Variants in VDAC2 observed in about 807,000 individuals in gnomAD.
VDAC2 encodes voltage dependent anion channel 2.
In VDAC2, 6 loss-of-function variants were observed where a neutral mutation model predicts 36.6. That is an observed-to-expected ratio of 0.16 (90% confidence interval 0.09 to 0.32). VDAC2 has a LOEUF of 0.32. VDAC2 is among the 10% of genes least tolerant of loss of function. The pLI is 1.00. For missense variants in VDAC2, 247 were observed against 346.0 expected (o/e 0.71, Z 2.27); for synonymous variants, 109 against 123.8 (o/e 0.88, Z 0.79).
intron 3 of VDAC2, 123 bp downstream of exon 3, chr10:75,212,421 T>C (rs990504242): frequency 2.3e-5 from 22 of 945,990 alleles, no homozygotes; most frequent in Middle Eastern, 3.0e-4. Context: ...TTAGAGTTAC[T>C]TATTTTTTTG....
chr10:75,221,333 TTTTTTC>T (rs1841806405), intron 7 of VDAC2, among the ~76,000 whole-genome samples: 1 of 152,176 alleles, frequency 6.6e-6, no homozygotes, highest in Admixed American at 6.6e-5. Flanking sequence ...GGTTGGGTTT[TTTTTTC>T]TTTTTCTTTT....
At chr10:75,219,279 A>G (rs768374216) in intron 5 of VDAC2, 25 bp from the exon 6 acceptor site, 33 of 1,574,554 alleles carry the variant, frequency 2.1e-5, no homozygotes, top group Non-Finnish European at 2.4e-5. Context: ...AAAAAAGAAA[A>G]CAAATTACTT....
chr10:75,219,304 A>C lies in VDAC2; in HGVS notation c.304A>C (p.Ile102Leu). The change falls in exon 6 of 10, where the codon ATT (isoleucine) becomes CTT (leucine). Residue 102 changes from isoleucine (I) to leucine (L), a missense_variant and splice_region_variant. Physicochemically the swap from Ile to Leu is conservative, Grantham distance 5. Around this residue, in one of 3 missense-constraint regions of VDAC2, gnomAD observed 159 missense variants for 234.0 expected, o/e 0.68. Transcript: ENST00000332211. ...ACAAATTACTTTTCTTTCAAAATAG[A>C]TTTGTCAAGGTTTGAAACTGACATT... is the stretch of plus-strand genomic sequence containing the variant. Reference protein sequence around the residue: ...LGTEIAIEDQICQGLKLTFDT... With the variant: ...LGTEIAIEDQLCQGLKLTFDT... The C allele has an allele frequency of 1.9e-6, 3 of 1,594,608 alleles. No homozygotes were observed. In the South Asian group the frequency reaches 3.5e-5, roughly 19 times the overall value.
At chr10:75,211,799 C>A in intron 2 of VDAC2, 2 of 1,104,508 alleles carry the variant, frequency 1.8e-6, no homozygotes, top group Non-Finnish European at 2.6e-6. Context: ...GTTTTCCCCT[C>A]AGCGAAGATA....
At chr10:75,220,697 G>A (rs770728202) in intron 6 of VDAC2, 46 bp from the exon 7 acceptor site, 9 of 1,523,396 alleles carry the variant, frequency 5.9e-6, no homozygotes, top group Non-Finnish European at 6.3e-6. Context: ...TTGTGCAGAA[G>A]TGTGTGTAAA....
chr10:75,212,357 C>A, intron 3 of VDAC2, 59 bp downstream of exon 3: 1 of 1,452,300 alleles, frequency 6.9e-7, no homozygotes, highest in Non-Finnish European at 9.5e-7. Context: ...GTTTGGGTTG[C>A]TTAGCGAAAT....
intron 4 of VDAC2, among the ~76,000 whole-genome samples, chr10:75,217,269 C>G (rs898560025): frequency 3.3e-5 from 5 of 152,074 alleles, no homozygotes; most frequent in Non-Finnish European, 7.4e-5. Flanking sequence ...AAAAAAACCG[C>G]AAAATGTTGT....
intron 9 of VDAC2, among the ~76,000 whole-genome samples, chr10:75,230,350 T>A (rs868472434): frequency 1.3e-5 from 2 of 152,202 alleles, no homozygotes; most frequent in Admixed American, 6.5e-5. Flanking sequence ...TTATTAACAT[T>A]TACTACATTT....
At chr10:75,221,362 T>G (rs1841807761) in intron 7 of VDAC2, among the ~76,000 whole-genome samples, 1 of 152,176 alleles carries the variant, frequency 6.6e-6, no homozygotes, top group South Asian at 2.1e-4. Flanking sequence ...CTTTCTTTTT[T>G]TGTTTTGGTT....
At chr10:75,222,950 C>T (rs1239565677) in intron 8 of VDAC2, among the ~76,000 whole-genome samples, 1 of 151,652 alleles carries the variant, frequency 6.6e-6, no homozygotes, top group African/African-American at 2.4e-5. Flanking sequence ...AGCCACTGCA[C>T]CTGGCTAGTA....
rs1204928638 is a variant in VDAC2, at chr10:75,211,151, G to A, written c.-8G>A. On this transcript the variant is annotated 5_prime_UTR_variant, in exon 2 of 10. Coordinates refer to ENST00000332211, the MANE Select transcript of VDAC2 (RefSeq NM_001391963.1). ...TCCCGCAGATTCCCCTCTTCCCGCG[G>A]CCTCGCCATGGCGACCCACGGACAG... is the stretch of plus-strand genomic sequence containing the variant. The A allele has an allele frequency of 1.2e-6, 2 of 1,611,730 alleles. No individual in the cohort carries two copies. The highest frequency in any genetic ancestry group is 2.2e-5 in the South Asian group (2 of 90,654).
At position 75,211,198 on chromosome 10, in the gene VDAC2, A is replaced by G. The variant is rs1299864398; in HGVS notation, c.31+9A>G. The G allele has an allele frequency of 2.5e-6, 4 of 1,612,892 alleles. No individual in the cohort carries two copies. Among genetic ancestry groups the G allele is most frequent in the Non-Finnish European group, 3.4e-6 (4 of 1,179,516 alleles). ...ACAGACTTGCGCGCGTCGTAAGTAA[A>G]GCTGGGATCTCTGCGGGATGGGGCG... On this transcript the variant is annotated intron_variant, in intron 2 of 9. Transcript: ENST00000332211.
chr10:75,227,577 A>ATTTTTTTTTTTTTTTTTTT (rs35378957), intron 8 of VDAC2, among the ~76,000 whole-genome samples: 6 of 99,928 alleles, frequency 6.0e-5, no homozygotes, highest in African/African-American at 2.7e-4. Flanking sequence ...AATAATAGGA[A>ATTTTTTTTTTTTTTTTTTT]TTTTTTTTTT....
At chr10:75,227,671 CTGCCACCCG>C (rs1841996673) in intron 8 of VDAC2, among the ~76,000 whole-genome samples, 1 of 141,030 alleles carries the variant, frequency 7.1e-6, no homozygotes, top group African/African-American at 2.7e-5. Flanking sequence ...ACTGCAACCT[CTGCCACCCG>C]GATTCAAGTG....
chr10:75,217,674 A>C (rs1164206711), intron 4 of VDAC2, among the ~76,000 whole-genome samples: 1 of 152,174 alleles, frequency 6.6e-6, no homozygotes, highest in Non-Finnish European at 1.5e-5. Flanking sequence ...CACCACACCC[A>C]GCCAGTCCAG....
At chr10:75,219,280 C>A (rs776217857) in intron 5 of VDAC2, 24 bp from the exon 6 acceptor site, 14 of 1,573,834 alleles carry the variant, frequency 8.9e-6, no homozygotes, top group Admixed American at 1.8e-5. Flanking sequence ...AAAAAGAAAA[C>A]AAATTACTTT....
At chr10:75,215,998 G>GC (rs879942801) in intron 4 of VDAC2, among the ~76,000 whole-genome samples, 3 of 152,236 alleles carry the variant, frequency 2.0e-5, no homozygotes, top group Non-Finnish European at 4.4e-5. Flanking sequence ...GAGCCACAGC[G>GC]CTAGCCCTGT....
intron 2 of VDAC2, chr10:75,211,741 A>G (rs1357985747): frequency 2.7e-6 from 4 of 1,487,430 alleles, no homozygotes; most frequent in Admixed American, 2.0e-5. Context: ...TCCAAGTTTC[A>G]ATATTTAAAT....
At chr10:75,226,550 CCT>C (rs1437122608) in intron 8 of VDAC2, among the ~76,000 whole-genome samples, 1 of 151,038 alleles carries the variant, frequency 6.6e-6, no homozygotes, top group Non-Finnish European at 1.5e-5. Flanking sequence ...TCAACCTCCG[CCT>C]CTCGGGTTCA....
Sources: gnomAD v4.1 joint callset for allele counts (sites outside exome capture counted in the v4.1 genomes callset) on GRCh38, gnomAD v4.1.1 for gene constraint, gnomAD v4.1.1 regional missense constraint, MANE v1.5 for transcripts, NCBI Gene and HGNC (gene_info 2026-07-23, HGNC 2026-07-21) for gene names.